NRXN3: variants seen among roughly 807,000 people sequenced by gnomAD.
NRXN3 encodes the protein neurexin 3.
Under a neutral mutation model 137.6 loss-of-function variants are expected in NRXN3, and 32 were observed. The observed-to-expected ratio is 0.23, with a 90% CI of 0.18 to 0.31. NRXN3 has a LOEUF of 0.31. Among genes scored for constraint, NRXN3 ranks in the 10% least tolerant of loss-of-function variants. The pLI is 1.00. For missense variants in NRXN3, 1,574 were observed against 2,062.5 expected, an observed-to-expected ratio of 0.76 and a Z score of 4.59; for synonymous variants, 798 against 784.5, an observed-to-expected ratio of 1.02 and a Z score of -0.29.
intron 4 of NRXN3, among the ~76,000 whole-genome samples, chr14:78,445,431 G>T (rs1026153907): frequency 3.9e-5 from 6 of 152,218 alleles, no homozygotes; most frequent in Non-Finnish European, 2.9e-5. Flanking sequence ...CCTGAAAAGT[G>T]ACGGGGAGGC....
At chr14:79,280,177 C>T (rs2081039386) in intron 15 of NRXN3, 1 of 1,518,674 alleles carries the variant, frequency 6.6e-7, no homozygotes, top group African/African-American at 1.4e-5. Flanking sequence ...CCCTCTTCCC[C>T]GAATTCTGGC....
At chr14:78,353,989 C>T (rs2083919542) in intron 4 of NRXN3, among the ~76,000 whole-genome samples, 2 of 152,166 alleles carry the variant, frequency 1.3e-5, no homozygotes, top group Admixed American at 6.6e-5. Flanking sequence ...GTGACCTGCA[C>T]TATTATTTCA....
At chr14:79,670,307 C>A (rs1430945156) in intron 17 of NRXN3, among the ~76,000 whole-genome samples, 3 of 151,932 alleles carry the variant, frequency 2.0e-5, no homozygotes, top group African/African-American at 7.3e-5. Context: ...ATAACTCCAC[C>A]CTATCCAAGC....
chr14:79,543,397 T>C (rs2097291836), intron 16 of NRXN3, among the ~76,000 whole-genome samples: 1 of 152,194 alleles, frequency 6.6e-6, no homozygotes, highest in Non-Finnish European at 1.5e-5. Context: ...CAGTGAGGCT[T>C]CCCAGTGTCT....
At chr14:79,668,604 A>G (rs1220074017) in intron 17 of NRXN3, among the ~76,000 whole-genome samples, 1 of 152,112 alleles carries the variant, frequency 6.6e-6, no homozygotes, top group Admixed American at 6.6e-5. Flanking sequence ...GTAAAAACAT[A>G]TTCTCAAATG....
At chr14:79,209,920 C>G (rs1189522163) in intron 15 of NRXN3, among the ~76,000 whole-genome samples, 1 of 152,198 alleles carries the variant, frequency 6.6e-6, no homozygotes, top group Non-Finnish European at 1.5e-5. Flanking sequence ...ATTTGTAACT[C>G]TAAGGTACTC....
intron 8 of NRXN3, among the ~76,000 whole-genome samples, chr14:78,739,851 G>A (rs1236608590): frequency 6.6e-6 from 1 of 152,144 alleles, no homozygotes; most frequent in Non-Finnish European, 1.5e-5. Flanking sequence ...TTCATCTTCT[G>A]ATCTTCTGTG....
intron 15 of NRXN3, among the ~76,000 whole-genome samples, chr14:79,014,280 A>G (rs559719984): frequency 6.6e-6 from 1 of 152,304 alleles, no homozygotes; most frequent in African/African-American, 2.4e-5. Context: ...CAAGAAAGCC[A>G]TAGTTCCTGT....
At chr14:78,645,472 G>C in intron 5 of NRXN3, 51 bp downstream of exon 5, 1 of 1,480,442 alleles carries the variant, frequency 6.8e-7, no homozygotes, top group Non-Finnish European at 9.0e-7. Context: ...AGGTGGCTGG[G>C]TAGTAAATTT....
At chr14:79,319,658 C>G (rs1271376121) in intron 15 of NRXN3, among the ~76,000 whole-genome samples, 1 of 152,110 alleles carries the variant, frequency 6.6e-6, no homozygotes, top group Non-Finnish European at 1.5e-5. Flanking sequence ...TGATATAGAG[C>G]CTTTCCTGGA....
At chr14:79,490,702 G>C (rs941834360) in intron 16 of NRXN3, among the ~76,000 whole-genome samples, 11 of 151,456 alleles carry the variant, frequency 7.3e-5, no homozygotes, top group African/African-American at 2.4e-4. Flanking sequence ...GGTGGGGGTG[G>C]TTAATGAGTA....
At chr14:78,379,446 C>A (rs1475543893) in intron 4 of NRXN3, among the ~76,000 whole-genome samples, 1 of 152,092 alleles carries the variant, frequency 6.6e-6, no homozygotes, top group African/African-American at 2.4e-5. Context: ...GCAGGGAATG[C>A]AAATCTGGCT....
chr14:79,447,988 A>C (rs1426281969), intron 15 of NRXN3, among the ~76,000 whole-genome samples: 1 of 152,212 alleles, frequency 6.6e-6, no homozygotes, highest in African/African-American at 2.4e-5. Flanking sequence ...GCTACTTAGA[A>C]AGCTGTGCAG....
chr14:79,409,422 A>C (rs115864776), intron 15 of NRXN3, among the ~76,000 whole-genome samples: 6 of 150,886 alleles, frequency 4.0e-5, no homozygotes, highest in African/African-American at 1.5e-4. Flanking sequence ...ATATATAGGT[A>C]TATGTATACA....
At chr14:78,856,906 G>C (rs1367445088) in intron 10 of NRXN3, among the ~76,000 whole-genome samples, 2 of 151,986 alleles carry the variant, frequency 1.3e-5, no homozygotes, top group African/African-American at 4.8e-5. Flanking sequence ...GCTAATTTTT[G>C]TATTTTTGTA....
chr14:78,484,967 G>A (rs1336310187), intron 4 of NRXN3, among the ~76,000 whole-genome samples: 1 of 152,172 alleles, frequency 6.6e-6, no homozygotes, highest in Admixed American at 6.5e-5. Flanking sequence ...AATGAACCTT[G>A]CCAGCACACT....
intron 4 of NRXN3, among the ~76,000 whole-genome samples, chr14:78,470,209 G>A (rs780502772): frequency 6.6e-6 from 1 of 152,146 alleles, no homozygotes; most frequent in Non-Finnish European, 1.5e-5. Flanking sequence ...ATCTTCCCTG[G>A]GTTCAGGGTT....
chr14:79,105,104 C>T (rs2052144572), intron 15 of NRXN3, among the ~76,000 whole-genome samples: 1 of 151,942 alleles, frequency 6.6e-6, no homozygotes, highest in African/African-American at 2.4e-5. Flanking sequence ...TTTATTTCAC[C>T]CCAGACAGAC....
At chr14:78,614,790 A>G (rs1172405761) in intron 4 of NRXN3, 10 of 343,510 alleles carry the variant, frequency 2.9e-5, no homozygotes, top group African/African-American at 2.1e-4. Context: ...AATTGTGCCC[A>G]AGGCACTCCC....
Sources: allele counts gnomAD v4.1 joint callset (sites outside exome capture counted in the v4.1 genomes callset), GRCh38; gene constraint gnomAD v4.1.1; transcripts MANE v1.5; gene names NCBI Gene and HGNC (gene_info 2026-07-23, HGNC 2026-07-21).